SRP54: variants seen among roughly 807,000 people sequenced by gnomAD.
SRP54 encodes the protein signal recognition particle 54, also known as signal recognition particle subunit SRP54.
A neutral mutation model predicts 64.8 loss-of-function variants in SRP54; 10 were observed. The ratio of observed to expected loss-of-function variants is 0.15; its 90% CI spans 0.10 to 0.26. The LOEUF (loss-of-function observed/expected upper bound fraction) is 0.26, where lower values mean the gene tolerates loss of function less well. Among genes scored for constraint, SRP54 ranks in the 10% least tolerant of loss-of-function variants. SRP54 has a pLI of 1.00. For missense variants in SRP54, 325 were observed against 613.7 expected (o/e 0.53, Z 4.97); for synonymous variants, 193 against 185.6 (o/e 1.04, Z -0.32).
intron 4 of SRP54, among the ~76,000 whole-genome samples, chr14:35,006,964 G>A (rs930946438): frequency 1.3e-5 from 2 of 152,168 alleles, no homozygotes; most frequent in African/African-American, 4.8e-5. Context: ...TGAGACAGAA[G>A]GATTGCTTGA....
chr14:35,028,402 A>G (rs1420170897), intron 15 of SRP54, among the ~76,000 whole-genome samples: 1 of 152,178 alleles, frequency 6.6e-6, no homozygotes, highest in Admixed American at 6.6e-5. Flanking sequence ...TGTTTGAGCA[A>G]GCTATTTAAT....
intron 7 of SRP54, among the ~76,000 whole-genome samples, chr14:35,011,286 T>C (rs1365252222): frequency 1.3e-5 from 2 of 152,200 alleles, no homozygotes; most frequent in African/African-American, 4.8e-5. Flanking sequence ...AAAAAAGACA[T>C]GCAGTAGAAT....
At chr14:35,026,195 G>GCA (rs371404613) in intron 14 of SRP54, among the ~76,000 whole-genome samples, 52,511 of 151,154 alleles carry the variant, frequency 0.35, 9,696 homozygotes, top group East Asian at 0.69. Flanking sequence ...TATTGTTGTT[G>GCA]TTTATTTTTT....
rs1460791522 is a variant in SRP54 at position 35,000,993 on chromosome 14, G to A, written c.228G>A (p.Gln76=). 5 of 1,593,646 alleles carry A rather than the reference G, an allele frequency of 3.1e-6. No individual in the cohort carries two copies. The highest frequency in any genetic ancestry group is 1.4e-5 in the African/African-American group (1 of 73,936). Residue 76 remains glutamine (Q), a synonymous_variant, in exon 4 of 16, where the codon CAG becomes CAA. Coordinates refer to ENST00000216774, the MANE Select transcript of SRP54 (RefSeq NM_003136.4). ...ASGLNKRKMI[Q]HAVFKELVKL... ...GTCTTAACAAAAGAAAAATGATTCA[G>A]CATGCTGTATTTAAAGAACTTGTGA...
chr14:34,988,578 A>AAAATATATATAT (rs1384552218), intron 1 of SRP54, among the ~76,000 whole-genome samples: 4 of 47,104 alleles, frequency 8.5e-5, no homozygotes, highest in Admixed American at 2.5e-4. Flanking sequence ...AAAAAAAAAA[A>AAAATATATATAT]ATATATATAT....
intron 4 of SRP54, among the ~76,000 whole-genome samples, chr14:35,005,837 C>CT (rs563157621): frequency 1.4e-4 from 21 of 151,946 alleles, no homozygotes; most frequent in African/African-American, 5.1e-4. Context: ...ATGTCCCATG[C>CT]TTTTTTTTGT....
intron 1 of SRP54, among the ~76,000 whole-genome samples, chr14:34,989,308 C>T (rs1037619175): frequency 2.3e-4 from 35 of 152,136 alleles, no homozygotes; most frequent in African/African-American, 8.2e-4. Flanking sequence ...GAGTTCAAGA[C>T]CAGCCTGACC....
At chr14:34,983,779 T>C (rs1329362611) in intron 1 of SRP54, among the ~76,000 whole-genome samples, 1 of 152,224 alleles carries the variant, frequency 6.6e-6, no homozygotes, top group African/African-American at 2.4e-5. Flanking sequence ...TATATACTTG[T>C]TCTTGGCTAC....
intron 11 of SRP54, among the ~76,000 whole-genome samples, chr14:35,018,230 T>G (rs1191711722): frequency 1.3e-5 from 2 of 152,230 alleles, no homozygotes; most frequent in African/African-American, 4.8e-5. Context: ...CTGAATAATA[T>G]TTTTTCCACA....
chr14:35,002,737 C>CTTTTTTT (rs71121258), intron 4 of SRP54, among the ~76,000 whole-genome samples: 1 of 94,986 alleles, frequency 1.1e-5, no homozygotes, highest in Admixed American at 1.3e-4. Context: ...GCCTGGCCTC[C>CTTTTTTT]TTTTTTTTTT....
intron 1 of SRP54, among the ~76,000 whole-genome samples, chr14:34,991,109 C>CTTT (rs71435838): frequency 2.0e-3 from 217 of 110,860 alleles, no homozygotes; most frequent in African/African-American, 3.8e-3. Context: ...AATTTCTTTT[C>CTTT]TTTTTTTTTT....
chr14:35,025,500 G>A (rs1232511620), intron 14 of SRP54, among the ~76,000 whole-genome samples: 12 of 152,080 alleles, frequency 7.9e-5, no homozygotes. Flanking sequence ...TTCCCATGTA[G>A]TCCTGACTGT....
At chr14:35,023,390 C>T (rs2044567301) in intron 14 of SRP54, among the ~76,000 whole-genome samples, 1 of 151,768 alleles carries the variant, frequency 6.6e-6, no homozygotes, top group South Asian at 2.1e-4. Flanking sequence ...CTTTACTCCC[C>T]AGAGAATCCA....
At chr14:35,018,842 T>C in intron 12 of SRP54, 77 bp downstream of exon 12, 1 of 1,466,888 alleles carries the variant, frequency 6.8e-7, no homozygotes, top group Middle Eastern at 1.8e-4. Context: ...GCTTTAATTA[T>C]TTTTACATTC....
intron 8 of SRP54, among the ~76,000 whole-genome samples, chr14:35,012,837 C>T (rs1203955212): frequency 1.3e-5 from 2 of 151,752 alleles, no homozygotes; most frequent in Non-Finnish European, 1.5e-5. Flanking sequence ...CAAATATTTT[C>T]TCATTTACCT....
intron 11 of SRP54, among the ~76,000 whole-genome samples, chr14:35,018,282 G>A (rs2139016097): frequency 6.6e-6 from 1 of 152,202 alleles, no homozygotes; most frequent in East Asian, 1.9e-4. Context: ...AGCTATTTAA[G>A]AAACTCCAAA....
At chr14:35,010,813 C>T in intron 7 of SRP54, among the ~76,000 whole-genome samples, 1 of 151,846 alleles carries the variant, frequency 6.6e-6, no homozygotes, top group Non-Finnish European at 1.5e-5. Flanking sequence ...ATTGGAAAAA[C>T]GTCAAATGTC....
intron 8 of SRP54, 136 bp downstream of exon 8, chr14:35,011,795 A>C: frequency 3.0e-6 from 2 of 676,402 alleles, no homozygotes; most frequent in Non-Finnish European, 4.4e-6. Context: ...TGTTTTGGGC[A>C]CCTATATCTA....
At chr14:34,983,818 C>T (rs1254537086) in intron 1 of SRP54, among the ~76,000 whole-genome samples, 2 of 152,178 alleles carry the variant, frequency 1.3e-5, no homozygotes, top group African/African-American at 2.4e-5. Flanking sequence ...AACACTAACT[C>T]TGCCATTGAG....
Sources: gnomAD v4.1 joint callset for allele counts (sites outside exome capture counted in the v4.1 genomes callset) on GRCh38, gnomAD v4.1.1 for gene constraint, MANE v1.5 for transcripts, NCBI Gene and HGNC (gene_info 2026-07-23, HGNC 2026-07-21) for gene names.